The following TP63 variants were observed in gnomAD, a reference collection of about 807,000 sequenced individuals.
The protein encoded by TP63 is tumor protein p63.
Under a neutral mutation model 82.8 loss-of-function variants are expected in TP63, and 17 were observed. The ratio of observed to expected loss-of-function variants is 0.21; its 90% CI spans 0.14 to 0.31. The LOEUF (loss-of-function observed/expected upper bound fraction) is 0.31, where lower values mean the gene tolerates loss of function less well. TP63 is among the 10% of genes least tolerant of loss of function. The pLI, the probability that TP63 is intolerant of heterozygous loss-of-function variation, is 1.00. For synonymous variants in TP63, 330 were observed against 321.7 expected (o/e 1.03, Z -0.28); for missense variants, 648 against 895.3 (o/e 0.72, Z 3.52).
At position 189,738,633 on chromosome 3, in the gene TP63, A is replaced by G. The variant is rs780843357; in HGVS notation, c.192-9A>G. On this transcript the variant is annotated splice_polypyrimidine_tract_variant and intron_variant, in intron 2 of 13. Coordinates refer to ENST00000264731, the MANE Select transcript of TP63 (RefSeq NM_003722.5). Reference sequence around the variant, plus strand: ...TGCCTAACTCACTTTTTTCTTTCCTATGTGTTAGGCCTATATGTTCAGTTC... The same window carrying G: ...TGCCTAACTCACTTTTTTCTTTCCTGTGTGTTAGGCCTATATGTTCAGTTC... 8.1e-6 allele frequency: 13 copies of G among 1,609,888 alleles called. No homozygotes were observed. In the African/African-American group the frequency reaches 1.4e-4, roughly 17 times the overall value.
chr3:189,602,263 T>C, the TP63 span, among the ~76,000 whole-genome samples: 1 of 151,884 alleles, frequency 6.6e-6, no homozygotes. Context: ...GAAAATTACA[T>C]GTGAACAGGA....
chr3:189,868,867 C>A, intron 8 of TP63, 151 bp downstream of exon 8: 1 of 1,225,434 alleles, frequency 8.2e-7, no homozygotes, highest in Non-Finnish European at 1.2e-6. Flanking sequence ...ATAGGTATAG[C>A]ATTGAAGTGG....
chr3:189,651,076 C>T (rs1302471031), intron 1 of TP63, among the ~76,000 whole-genome samples: 1 of 147,368 alleles, frequency 6.8e-6, no homozygotes, highest in African/African-American at 2.5e-5. Flanking sequence ...TCTTGCTTTG[C>T]TTTAGCAAAG....
chr3:189,618,043 T>C, the TP63 span, among the ~76,000 whole-genome samples: 2 of 152,198 alleles, frequency 1.3e-5, no homozygotes, highest in Non-Finnish European at 2.9e-5. Flanking sequence ...GGCTGCATAA[T>C]GTGCAGCATC....
chr3:189,718,315 G>GT (rs11414690), intron 1 of TP63, among the ~76,000 whole-genome samples: 141,914 of 151,590 alleles, frequency 0.94, 66,662 homozygotes, highest in Non-Finnish European at 0.98. Context: ...CTGAGACTGG[G>GT]AATTTACAAA....
In TP63 at chr3:189,729,287, G is replaced by A. The variant is rs527753946; in HGVS notation, c.63-8453G>A. On this transcript the variant is annotated intron_variant, in intron 1 of 13. Transcript: ENST00000264731. Reference sequence around the variant, plus strand: ...GAGAGAGAAAAAGGACACTCCCTCAGAATTAATGACTGCCAAGTTTGGGCT... The same window carrying A: ...GAGAGAGAAAAAGGACACTCCCTCAAAATTAATGACTGCCAAGTTTGGGCT... 3.9e-5 allele frequency among the ~76,000 whole-genome samples: 6 copies of A among 152,240 alleles called. No homozygotes were observed. The East Asian group carries it at 9.7e-4, about 25-fold the overall frequency.
At chr3:189,800,030 T>C (rs182177910) in intron 3 of TP63, among the ~76,000 whole-genome samples, 9 of 152,286 alleles carry the variant, frequency 5.9e-5, no homozygotes, top group African/African-American at 2.2e-4. Context: ...TAAAAGTTTA[T>C]ACATATAGTT....
intron 3 of TP63, among the ~76,000 whole-genome samples, chr3:189,807,109 C>G (rs906245457): frequency 6.6e-6 from 1 of 152,016 alleles, no homozygotes; most frequent in Non-Finnish European, 1.5e-5. Flanking sequence ...GTTGATGAAA[C>G]AAGATTTCTA....
At chr3:189,771,313 A>ATATTATATATTTATATATAATG (rs1723332840) in intron 3 of TP63, among the ~76,000 whole-genome samples, 1 of 138,298 alleles carries the variant, frequency 7.2e-6, no homozygotes, top group Non-Finnish European at 1.5e-5. Context: ...TATATATAAT[A>ATATTATATATTTATATATAATG]TATTATATAT....
intron 1 of TP63, among the ~76,000 whole-genome samples, chr3:189,675,509 G>T (rs1715309559): frequency 6.6e-6 from 1 of 152,038 alleles, no homozygotes; most frequent in Non-Finnish European, 1.5e-5. Context: ...AGTGCTATTT[G>T]TACCAGGTCA....
At chr3:189,709,815 G>A (rs1295911615) in intron 1 of TP63, among the ~76,000 whole-genome samples, 1 of 152,164 alleles carries the variant, frequency 6.6e-6, no homozygotes, top group African/African-American at 2.4e-5. Flanking sequence ...AGTTAGGGAT[G>A]ATATAACTCA....
At chr3:189,790,955 G>A (rs1317265838) in intron 3 of TP63, among the ~76,000 whole-genome samples, 1 of 152,082 alleles carries the variant, frequency 6.6e-6, no homozygotes, top group African/African-American at 2.4e-5. Context: ...AATACAACAG[G>A]GGAAATATCG....
At chr3:189,670,106 A>G (rs947605903) in intron 1 of TP63, among the ~76,000 whole-genome samples, 1 of 152,060 alleles carries the variant, frequency 6.6e-6, no homozygotes, top group Non-Finnish European at 1.5e-5. Flanking sequence ...TGATAATTGT[A>G]AAGAGACAAT....
chr3:189,618,456 C>A, the TP63 span, among the ~76,000 whole-genome samples: 1 of 152,172 alleles, frequency 6.6e-6, no homozygotes, highest in Non-Finnish European at 1.5e-5. Context: ...CAACCATTCC[C>A]AGAACTCACT....
At chr3:189,663,848 TTTCA>T (rs1031952214) in intron 1 of TP63, among the ~76,000 whole-genome samples, 1 of 151,994 alleles carries the variant, frequency 6.6e-6, no homozygotes, top group African/African-American at 2.4e-5. Flanking sequence ...CACCCAGCCA[TTTCA>T]TTCTTTCATT....
At chr3:189,697,701 A>C (rs1475468248) in intron 1 of TP63, among the ~76,000 whole-genome samples, 1 of 152,028 alleles carries the variant, frequency 6.6e-6, no homozygotes, top group Admixed American at 6.6e-5. Flanking sequence ...ACATATCTCT[A>C]TTTATTTAGA....
chr3:189,813,822 A>G (rs1410529694), intron 4 of TP63, among the ~76,000 whole-genome samples: 1 of 152,166 alleles, frequency 6.6e-6, no homozygotes, highest in East Asian at 1.9e-4. Context: ...AAAGGAAACA[A>G]TTGTAGTTCC....
At chr3:189,707,169 C>T (rs1255499127) in intron 1 of TP63, among the ~76,000 whole-genome samples, 1 of 152,100 alleles carries the variant, frequency 6.6e-6, no homozygotes, top group Non-Finnish European at 1.5e-5. Flanking sequence ...TTTTAAAAAC[C>T]ATCTACTATT....
At chr3:189,821,496 A>T (rs1231489076) in intron 4 of TP63, among the ~76,000 whole-genome samples, 2 of 152,218 alleles carry the variant, frequency 1.3e-5, no homozygotes, top group Non-Finnish European at 1.5e-5. Flanking sequence ...TACCACATGG[A>T]GGATGCTTCA....
Sources: gnomAD v4.1 joint callset for allele counts (sites outside exome capture counted in the v4.1 genomes callset) on GRCh38, gnomAD v4.1.1 for gene constraint, MANE v1.5 for transcripts, NCBI Gene and HGNC (gene_info 2026-07-23, HGNC 2026-07-21) for gene names.